Variants in SLC8A1 observed in about 807,000 individuals in gnomAD.
SLC8A1 encodes sodium/calcium exchanger 1.
A neutral mutation model predicts 68.3 loss-of-function variants in SLC8A1; 18 were observed. That is an observed-to-expected ratio of 0.26 (90% confidence interval 0.18 to 0.39). SLC8A1 has a LOEUF of 0.39. Among genes scored for constraint, SLC8A1 ranks in the 10% least tolerant of loss-of-function variants. The pLI, the probability that SLC8A1 is intolerant of heterozygous loss-of-function variation, is 1.00. For synonymous variants in SLC8A1, 475 were observed against 415.5 expected, an observed-to-expected ratio of 1.14 and a Z score of -1.74; for missense variants, 985 against 1,156.7, an observed-to-expected ratio of 0.85 and a Z score of 2.15.
At chr2:40,453,003 A>G (rs1702740226), upstream of SLC8A1, among the ~76,000 whole-genome samples, 1 of 152,158 alleles carries the variant, frequency 6.6e-6, no homozygotes, top group Non-Finnish European at 1.5e-5. Context: ...TTGCCAATAA[A>G]TCACTTTCCT....
chr2:40,211,904 T>C (rs567894154), intron 2 of SLC8A1, among the ~76,000 whole-genome samples: 1 of 152,300 alleles, frequency 6.6e-6, no homozygotes, highest in African/African-American at 2.4e-5. Context: ...ACTAAAAACA[T>C]AAAAGATGAT....
chr2:40,402,956 C>T (rs1233376601), intron 2 of SLC8A1, among the ~76,000 whole-genome samples: 1 of 152,132 alleles, frequency 6.6e-6, no homozygotes, highest in African/African-American at 2.4e-5. Context: ...AGAGCTGATC[C>T]ACAGTTAACG....
chr2:40,155,370 C>A (rs915360121), intron 6 of SLC8A1, among the ~76,000 whole-genome samples: 3 of 152,148 alleles, frequency 2.0e-5, no homozygotes, highest in Non-Finnish European at 4.4e-5. Context: ...ACCTCGTGAT[C>A]CACCTGCCTC....
intron 7 of SLC8A1, among the ~76,000 whole-genome samples, chr2:40,130,532 C>A (rs13402735): frequency 0.25 from 38,297 of 152,178 alleles, 5,317 homozygotes; most frequent in East Asian, 0.61. Flanking sequence ...CCCTGGTTAG[C>A]TTTGCCTCTT....
At chr2:40,419,147 G>A (rs1694761380) in intron 2 of SLC8A1, among the ~76,000 whole-genome samples, 1 of 152,200 alleles carries the variant, frequency 6.6e-6, no homozygotes, top group African/African-American at 2.4e-5. Context: ...ATCTTGCAAG[G>A]GGCTTGGCAT....
At chr2:40,113,814 C>T (rs5547) in exon 8 of SLC8A1, 1 of 152,664 alleles carries the variant, frequency 6.6e-6, no homozygotes, top group Admixed American at 6.5e-5. Flanking sequence ...CCTTGGCCTT[C>T]CTGAATTAAT....
At chr2:40,294,454 C>T (rs1358258721) in intron 2 of SLC8A1, among the ~76,000 whole-genome samples, 1 of 152,000 alleles carries the variant, frequency 6.6e-6, no homozygotes, top group African/African-American at 2.4e-5. Context: ...TGAATTCAGA[C>T]AGCCATTAAA....
intron 2 of SLC8A1, among the ~76,000 whole-genome samples, chr2:40,318,641 G>A (rs950659607): frequency 2.6e-5 from 4 of 151,972 alleles, no homozygotes; most frequent in Admixed American, 6.6e-5. Context: ...AATGTAGACC[G>A]TTGCTGTCTA....
chr2:40,452,246 C>T (rs926298548), upstream of SLC8A1, among the ~76,000 whole-genome samples: 3 of 150,544 alleles, frequency 2.0e-5, no homozygotes, highest in Non-Finnish European at 4.4e-5. Context: ...CGCTCGGCCC[C>T]GCGGCTGCCG....
intron 2 of SLC8A1, among the ~76,000 whole-genome samples, chr2:40,308,744 G>A (rs1001431027): frequency 6.6e-6 from 1 of 152,146 alleles, no homozygotes; most frequent in Admixed American, 6.6e-5. Flanking sequence ...AAGGGAGTCA[G>A]GTAGACGCCA....
intron 6 of SLC8A1, among the ~76,000 whole-genome samples, chr2:40,143,186 G>T (rs1372684786): frequency 2.6e-5 from 4 of 152,070 alleles, no homozygotes; most frequent in Non-Finnish European, 2.9e-5. Context: ...AAATGACCAC[G>T]GACTGCCATG....
At chr2:40,451,601 T>C (rs1363543993) in intron 1 of SLC8A1, among the ~76,000 whole-genome samples, 5 of 152,026 alleles carry the variant, frequency 3.3e-5, no homozygotes, top group Admixed American at 1.3e-4. Context: ...CATCTCTCCT[T>C]AGCAGCCCTT....
At chr2:40,402,603 G>T (rs967992186) in intron 2 of SLC8A1, among the ~76,000 whole-genome samples, 1 of 152,142 alleles carries the variant, frequency 6.6e-6, no homozygotes, top group Non-Finnish European at 1.5e-5. Flanking sequence ...TGAAACATAG[G>T]TGATAAACAG....
intron 2 of SLC8A1, among the ~76,000 whole-genome samples, chr2:40,270,313 G>T (rs2065871883): frequency 6.6e-6 from 1 of 152,200 alleles, no homozygotes; most frequent in Admixed American, 6.5e-5. Context: ...TAATGCTGCT[G>T]TAACAAATTT....
At chr2:40,322,798 G>A (rs2075358167) in intron 2 of SLC8A1, among the ~76,000 whole-genome samples, 1 of 150,552 alleles carries the variant, frequency 6.6e-6, no homozygotes, top group South Asian at 2.1e-4. Flanking sequence ...CACTTATATA[G>A]TGCCTACCAC....
In SLC8A1 at chr2:40,252,936, T is replaced by TAC. The variant is rs1240534813; in HGVS notation, c.1809-75082_1809-75081insGT. Reference sequence around the variant, plus strand: ...GTGTATATATACATACATGTATATGTATGTACATATATACATATGTGTGTA... The same window carrying TAC: ...GTGTATATATACATACATGTATATGTACATGTACATATATACATATGTGTGTA... On this transcript the variant is annotated intron_variant, in intron 2 of 7. Coordinates refer to ENST00000406785, the Ensembl canonical transcript of SLC8A1. Among the ~76,000 whole-genome samples, 36 of 124,932 alleles carry TAC rather than the reference T, an allele frequency of 2.9e-4. No homozygotes were observed. The East Asian group carries it at 5.2e-3, about 18-fold the overall frequency. The allele number at this position is 124,932 out of a possible 152,430, so 82.0% of individuals were successfully genotyped here. A position where few individuals can be genotyped will look rare whatever the true frequency, so the allele number is the denominator to read the frequency against.
chr2:40,223,804 A>AC (rs948333211), intron 2 of SLC8A1: 1 of 151,378 alleles, frequency 6.6e-6, no homozygotes, highest in Non-Finnish European at 1.5e-5. Flanking sequence ...TTAAGTAACT[A>AC]TTTTTTTTTA....
At chr2:40,179,599 T>C (rs1258190714) in intron 2 of SLC8A1, among the ~76,000 whole-genome samples, 6 of 152,222 alleles carry the variant, frequency 3.9e-5, no homozygotes, top group Admixed American at 3.9e-4. Flanking sequence ...ATTGGCCAAG[T>C]ACAATTCTGA....
chr2:40,507,485 G>A (rs1376508167), intron 1 of SLC8A1, among the ~76,000 whole-genome samples: 1 of 152,008 alleles, frequency 6.6e-6, no homozygotes, highest in African/African-American at 2.4e-5. Flanking sequence ...TAAGTGGACT[G>A]TAATCTGAGA....
Sources: gnomAD v4.1 joint callset for allele counts (sites outside exome capture counted in the v4.1 genomes callset) on GRCh38, gnomAD v4.1.1 for gene constraint, MANE v1.5 for transcripts, NCBI Gene and HGNC (gene_info 2026-07-23, HGNC 2026-07-21) for gene names.